The following BICC1 variants were observed in gnomAD, a reference collection of about 807,000 sequenced individuals.
BICC1 encodes the protein BicC family RNA binding protein 1.
Under a neutral mutation model 111.0 loss-of-function variants are expected in BICC1, and 43 were observed. The observed-to-expected ratio is 0.39, with a 90% CI of 0.30 to 0.50. The LOEUF (loss-of-function observed/expected upper bound fraction) is 0.50. Ranked by LOEUF, BICC1 falls within the 20% of genes least tolerant of loss-of-function variation. BICC1 has a pLI of 0.88. For synonymous variants in BICC1, 467 were observed against 434.4 expected (o/e 1.07, Z -0.93); for missense variants, 1,091 against 1,203.2 (o/e 0.91, Z 1.38).
intron 1 of BICC1, among the ~76,000 whole-genome samples, chr10:58,601,512 A>G (rs1262861729): frequency 2.0e-5 from 3 of 151,884 alleles, no homozygotes; most frequent in Non-Finnish European, 4.4e-5. Flanking sequence ...TATTATGTGT[A>G]TTACTAAGAT....
At chr10:58,693,223 G>A (rs931737911) in intron 2 of BICC1, among the ~76,000 whole-genome samples, 14 of 152,150 alleles carry the variant, frequency 9.2e-5, no homozygotes, top group African/African-American at 3.1e-4. Context: ...GTATTCCATG[G>A]TGTATATGTG....
At chr10:58,653,066 A>T (rs1047152730) in intron 2 of BICC1, among the ~76,000 whole-genome samples, 5 of 152,186 alleles carry the variant, frequency 3.3e-5, no homozygotes, top group Admixed American at 3.3e-4. Flanking sequence ...GTACAAAGTT[A>T]TTACCTTAGA....
In BICC1 at chr10:58,829,191, A is replaced by ATTTTTTTTTTTTTTT. The variant is rs71006209; in HGVS notation, c.*317_*331dup. 2.4e-5 allele frequency: 1 copy of ATTTTTTTTTTTTTTT among 42,410 alleles called. No homozygotes were observed. The highest frequency in any genetic ancestry group is 3.3e-4 in the Admixed American group (1 of 3,036). 2.6% of individuals were successfully genotyped at this position (42,410 alleles called of 1,614,324 possible). ...TACCTATATAACATATGCACTGATG[A>ATTTTTTTTTTTTTTT]TTTTTTTTTTTTTTTTTTTTTTTTT... is the stretch of plus-strand genomic sequence containing the variant. On this transcript the variant is annotated 3_prime_UTR_variant, in exon 21 of 21. Transcript: ENST00000373886.
At chr10:58,739,966 CTT>C (rs757359043) in intron 3 of BICC1, among the ~76,000 whole-genome samples, 2 of 152,108 alleles carry the variant, frequency 1.3e-5, no homozygotes, top group Non-Finnish European at 2.9e-5. Flanking sequence ...TGGTAATAGA[CTT>C]TAGCTTATAG....
chr10:58,712,839 A>G (rs1265909252), intron 3 of BICC1, among the ~76,000 whole-genome samples: 1 of 152,182 alleles, frequency 6.6e-6, no homozygotes, highest in Non-Finnish European at 1.5e-5. Flanking sequence ...TGATGTTGAC[A>G]GTCCCCGGGG....
At chr10:58,706,642 G>A (rs1840394683) in intron 3 of BICC1, among the ~76,000 whole-genome samples, 2 of 152,214 alleles carry the variant, frequency 1.3e-5, no homozygotes, top group South Asian at 2.1e-4. Flanking sequence ...TTCCTTCCAC[G>A]CTGTTCTCAT....
chr10:58,795,484 G>A (rs2132842276), intron 9 of BICC1, among the ~76,000 whole-genome samples: 1 of 152,288 alleles, frequency 6.6e-6, no homozygotes, highest in South Asian at 2.1e-4. Flanking sequence ...TGCATATTAA[G>A]ATGGACAGTC....
At chr10:58,593,479 T>C (rs2393453) in intron 1 of BICC1, among the ~76,000 whole-genome samples, 44,037 of 151,776 alleles carry the variant, frequency 0.29, 6,690 homozygotes, top group East Asian at 0.46. Context: ...ACAGACACCT[T>C]ATATAGGAGA....
chr10:58,621,702 T>C (rs923009721), intron 2 of BICC1, among the ~76,000 whole-genome samples: 1 of 151,888 alleles, frequency 6.6e-6, no homozygotes, highest in Non-Finnish European at 1.5e-5. Flanking sequence ...GGTCAGGAGT[T>C]TGAGACCAGC....
Position 58,629,858 on chromosome 10 carries a change from A to C in BICC1, c.237+8957A>C, listed in dbSNP as rs1008073928. ...TTGCGTTAAAATTTGTTTTTTGGCC[A>C]ATTCAATTCTTTAACCTTTAGGCAC... On this transcript the variant is annotated intron_variant, in intron 2 of 20. Coordinates refer to ENST00000373886, the MANE Select transcript of BICC1 (RefSeq NM_001080512.3). Among the ~76,000 whole-genome samples the C allele has an allele frequency of 3.9e-5, 6 of 152,002 alleles. No homozygotes were observed. In the East Asian group the frequency reaches 1.2e-3, roughly 29 times the overall value.
At position 58,715,913 on chromosome 10, in the gene BICC1, C is replaced by T. The variant is rs542008166; in HGVS notation, c.307+13770C>T. ...GATTCTTCCAGCAATTCTTCTGATTCTGAAGATGAGGATAAGAAACAAGGA... is the reference window on the plus strand; with the variant it reads ...GATTCTTCCAGCAATTCTTCTGATTTTGAAGATGAGGATAAGAAACAAGGA... On this transcript the variant is annotated intron_variant, in intron 3 of 20. Transcript: ENST00000373886. 4.3e-5 allele frequency: 55 copies of T among 1,270,756 alleles called. No homozygotes were observed. The African/African-American group carries it at 7.5e-4, about 17-fold the overall frequency. The allele number at this position is 1,270,756 out of a possible 1,614,324, so 78.7% of individuals were successfully genotyped here. A position where few individuals can be genotyped will look rare whatever the true frequency, so the allele number is the denominator to read the frequency against.
At chr10:58,670,731 A>T (rs1839158239) in intron 2 of BICC1, among the ~76,000 whole-genome samples, 1 of 152,204 alleles carries the variant, frequency 6.6e-6, no homozygotes, top group Non-Finnish European at 1.5e-5. Context: ...AAATGGAAAT[A>T]CCTAGCAAGT....
intron 1 of BICC1, among the ~76,000 whole-genome samples, chr10:58,527,539 G>A (rs1773231332): frequency 6.6e-6 from 1 of 152,062 alleles, no homozygotes; most frequent in South Asian, 2.1e-4. Flanking sequence ...TTTCTTCTAG[G>A]CTTTTTATGG....
chr10:58,821,894 G>A (rs963161537), intron 20 of BICC1, among the ~76,000 whole-genome samples: 3 of 152,012 alleles, frequency 2.0e-5, no homozygotes, highest in African/African-American at 4.8e-5. Context: ...ATTGTACAAA[G>A]GTCACCTTCC....
At chr10:58,697,009 A>G (rs1477070451) in intron 2 of BICC1, among the ~76,000 whole-genome samples, 1 of 152,172 alleles carries the variant, frequency 6.6e-6, no homozygotes, top group Non-Finnish European at 1.5e-5. Flanking sequence ...AACTGACAGC[A>G]TGATATTTAT....
In BICC1 at chr10:58,540,004, TAAAC is replaced by T. The variant is rs1842920602; in HGVS notation, c.190+26674_190+26677del. On this transcript the variant is annotated intron_variant, in intron 1 of 20. Transcript: ENST00000373886. Reference sequence around the variant, plus strand: ...AGAAAATTCACAAATATGTGGAAATTAAACAACACACTCTTGAATAATCAGTGGA... The same window carrying T: ...AGAAAATTCACAAATATGTGGAAATTAACACACTCTTGAATAATCAGTGGA... Among the ~76,000 whole-genome samples the T allele has an allele frequency of 2.6e-5, 4 of 151,966 alleles. No individual in the cohort carries two copies. In the Middle Eastern group the frequency reaches 0.01, roughly 388 times the overall value.
At chr10:58,739,315 C>G (rs1841577652) in intron 3 of BICC1, among the ~76,000 whole-genome samples, 1 of 152,072 alleles carries the variant, frequency 6.6e-6, no homozygotes, top group African/African-American at 2.4e-5. Flanking sequence ...TTGTCAAAGG[C>G]CTTTTCTGCG....
At chr10:58,632,986 C>T (rs560002797) in intron 2 of BICC1, among the ~76,000 whole-genome samples, 1 of 152,288 alleles carries the variant, frequency 6.6e-6, no homozygotes, top group South Asian at 2.1e-4. Context: ...CATATTGTTT[C>T]TATTCATTAT....
At chr10:58,735,953 A>G (rs1386519288) in intron 3 of BICC1, among the ~76,000 whole-genome samples, 2 of 152,180 alleles carry the variant, frequency 1.3e-5, no homozygotes, top group Admixed American at 1.3e-4. Flanking sequence ...CCAGAATTGC[A>G]GGAGTTTCCC....
Sources: allele counts gnomAD v4.1 joint callset (sites outside exome capture counted in the v4.1 genomes callset), GRCh38; gene constraint gnomAD v4.1.1; transcripts MANE v1.5; gene names NCBI Gene and HGNC (gene_info 2026-07-23, HGNC 2026-07-21).